The following MTHFD2L variants were observed in gnomAD, a reference collection of about 807,000 sequenced individuals.
The protein encoded by MTHFD2L is methylenetetrahydrofolate dehydrogenase (NADP+ dependent) 2 like.
A neutral mutation model predicts 34.9 loss-of-function variants in MTHFD2L; 29 were observed. The observed-to-expected ratio is 0.83, with a 90% CI of 0.62 to 1.13. The LOEUF is 1.13. MTHFD2L is among the 50% of genes most tolerant of loss of function. MTHFD2L has a pLI of 0.00. For missense variants in MTHFD2L, 481 were observed against 446.5 expected (o/e 1.08, Z -0.70); for synonymous variants, 167 against 155.7 (o/e 1.07, Z -0.54).
intron 1 of MTHFD2L, among the ~76,000 whole-genome samples, chr4:74,166,856 G>T (rs560874001): frequency 6.6e-6 from 1 of 152,274 alleles, no homozygotes; most frequent in South Asian, 2.1e-4. Context: ...TATCCCCAGG[G>T]ACCCAAACTC....
chr4:74,137,985 A>G (rs1723048020), intron 1 of MTHFD2L, among the ~76,000 whole-genome samples: 1 of 152,048 alleles, frequency 6.6e-6, no homozygotes, highest in Admixed American at 6.6e-5. Flanking sequence ...GAGAGGGGGG[A>G]AAAATAATAT....
At chr4:74,134,650 T>A (rs763618643) in intron 1 of MTHFD2L, among the ~76,000 whole-genome samples, 8 of 152,056 alleles carry the variant, frequency 5.3e-5, no homozygotes, top group Non-Finnish European at 8.8e-5. Context: ...CCTCCTGAGA[T>A]GGCGATTTGT....
intron 1 of MTHFD2L, among the ~76,000 whole-genome samples, chr4:74,144,518 G>C (rs1293848684): frequency 6.6e-6 from 1 of 152,030 alleles, no homozygotes; most frequent in Admixed American, 6.6e-5. Context: ...AGTGGTGCTG[G>C]GTAATTTGAT....
intron 3 of MTHFD2L, among the ~76,000 whole-genome samples, chr4:74,197,595 A>G (rs1379885002): frequency 1.3e-5 from 2 of 152,136 alleles, no homozygotes; most frequent in East Asian, 3.9e-4. Context: ...AATATTTATT[A>G]TGACTTCTGT....
intron 1 of MTHFD2L, among the ~76,000 whole-genome samples, chr4:74,164,095 CTTGA>C (rs1726102375): frequency 6.6e-6 from 1 of 152,144 alleles, no homozygotes; most frequent in Non-Finnish European, 1.5e-5. Flanking sequence ...CAGGATGCGT[CTTGA>C]TCTCCTGACT....
chr4:74,157,378 TG>T (rs1401401832), upstream of MTHFD2L: 4 of 290,380 alleles, frequency 1.4e-5, no homozygotes, highest in Non-Finnish European at 2.7e-5. Context: ...GACTGTTTTT[TG>T]TGTGTCTGTC....
intron 5 of MTHFD2L, among the ~76,000 whole-genome samples, chr4:74,221,404 C>CTA (rs1277138036): frequency 6.6e-6 from 1 of 151,560 alleles, no homozygotes; most frequent in Admixed American, 6.6e-5. Flanking sequence ...TATTTTGTTT[C>CTA]TATATATATC....
chr4:74,239,486 A>AT (rs1324567890), intron 6 of MTHFD2L, among the ~76,000 whole-genome samples: 2 of 130,342 alleles, frequency 1.5e-5, no homozygotes, highest in East Asian at 2.2e-4. Context: ...TTAAAGTATA[A>AT]TTTTAAAAAA....
intron 7 of MTHFD2L, among the ~76,000 whole-genome samples, chr4:74,300,650 T>G (rs1007659328): frequency 6.6e-6 from 1 of 152,090 alleles, no homozygotes; most frequent in African/African-American, 2.4e-5. Context: ...ATGAATGCAG[T>G]AAGTCATTCA....
chr4:74,201,008 G>A (rs551927249), intron 4 of MTHFD2L, among the ~76,000 whole-genome samples: 30 of 152,236 alleles, frequency 2.0e-4, no homozygotes, highest in African/African-American at 6.7e-4. Context: ...GACTCTCAAT[G>A]TTTAAAAGCA....
At chr4:74,178,496 A>G (rs979512607) in intron 3 of MTHFD2L, among the ~76,000 whole-genome samples, 1 of 152,026 alleles carries the variant, frequency 6.6e-6, no homozygotes, top group African/African-American at 2.4e-5. Context: ...TCGCTGCTAG[A>G]TGGCACTGGT....
chr4:74,296,127 G>A (rs1259281564), intron 7 of MTHFD2L, among the ~76,000 whole-genome samples: 2 of 152,136 alleles, frequency 1.3e-5, no homozygotes, highest in Admixed American at 1.3e-4. Flanking sequence ...TTTATGGCAT[G>A]TGTGGGAACA....
At chr4:74,160,078 A>G in intron 1 of MTHFD2L, 1 of 1,289,446 alleles carries the variant, frequency 7.8e-7, no homozygotes. Flanking sequence ...AAGAGATTCC[A>G]TCTTCCAGAG....
At chr4:74,237,380 G>A (rs1393624057) in intron 6 of MTHFD2L, among the ~76,000 whole-genome samples, 52 of 152,140 alleles carry the variant, frequency 3.4e-4, no homozygotes, top group Non-Finnish European at 1.5e-5. Context: ...TAGGCACGGT[G>A]GCTCAAGCCT....
chr4:74,149,322 C>T (rs1264800328), intron 1 of MTHFD2L, among the ~76,000 whole-genome samples: 1 of 151,690 alleles, frequency 6.6e-6, no homozygotes, highest in East Asian at 1.9e-4. Context: ...CTGTTTCCTC[C>T]TAGATTCTGC....
In MTHFD2L at chr4:74,303,054, T is replaced by C. The variant is rs1166113758; in HGVS notation, c.*1245T>C. Reference sequence around the variant, plus strand: ...TGTGTGAAAATAGACTTGATGTTTATAATTAATACCATTACAACTGTATAA... The same window carrying C: ...TGTGTGAAAATAGACTTGATGTTTACAATTAATACCATTACAACTGTATAA... On this transcript the variant is annotated 3_prime_UTR_variant, in exon 8 of 8. Coordinates refer to ENST00000325278, the MANE Select transcript of MTHFD2L (RefSeq NM_001144978.3). 1 of 152,204 alleles carries C rather than the reference T, an allele frequency of 6.6e-6. No homozygotes were observed. Among genetic ancestry groups the C allele is most frequent in the African/African-American group, 2.4e-5 (1 of 41,462 alleles). The allele number at this position is 152,204 out of a possible 1,614,324, so 9.4% of individuals were successfully genotyped here. A position where few individuals can be genotyped will look rare whatever the true frequency, so the allele number is the denominator to read the frequency against.
At chr4:74,270,165 CTTTTTA>C (rs1217684796) in intron 6 of MTHFD2L, among the ~76,000 whole-genome samples, 2 of 151,308 alleles carry the variant, frequency 1.3e-5, no homozygotes, top group South Asian at 2.1e-4. Flanking sequence ...TTATTTTTTT[CTTTTTA>C]TTATTATTAT....
At chr4:74,262,762 T>C (rs1560541015) in intron 6 of MTHFD2L, among the ~76,000 whole-genome samples, 1 of 151,962 alleles carries the variant, frequency 6.6e-6, no homozygotes, top group Non-Finnish European at 1.5e-5. Flanking sequence ...TACTTGCATA[T>C]GCTGCTGATG....
At chr4:74,251,105 T>A (rs1276814024) in intron 6 of MTHFD2L, among the ~76,000 whole-genome samples, 2 of 152,206 alleles carry the variant, frequency 1.3e-5, no homozygotes, top group African/African-American at 2.4e-5. Context: ...AACTCTAAGA[T>A]CTAAGATGAA....
Sources: gnomAD v4.1 joint callset for allele counts (sites outside exome capture counted in the v4.1 genomes callset) on GRCh38, gnomAD v4.1.1 for gene constraint, MANE v1.5 for transcripts, NCBI Gene and HGNC (gene_info 2026-07-23, HGNC 2026-07-21) for gene names.